The following COL4A3 variants were observed in gnomAD, a reference collection of about 807,000 sequenced individuals.
The protein encoded by COL4A3 is collagen type IV alpha 3 chain.
In COL4A3, 135 loss-of-function variants were observed where a neutral mutation model predicts 217.4. That is an observed-to-expected ratio of 0.62 (90% CI 0.54 to 0.72). The LOEUF is 0.72. Among genes scored for constraint, COL4A3 ranks in the 30% least tolerant of loss-of-function variants. The pLI is 0.00. For synonymous variants in COL4A3, 690 were observed against 736.3 expected, an observed-to-expected ratio of 0.94 and a Z score of 1.02; for missense variants, 1,868 against 2,119.9, an observed-to-expected ratio of 0.88 and a Z score of 2.33.
In COL4A3 at chr2:227,310,809, G is replaced by A; in HGVS notation, c.4789G>A (p.Ala1597Thr). The change falls in exon 51 of 52, where the codon GCA (alanine) becomes ACA (threonine). Residue 1597 changes from alanine (A) to threonine (T), a missense_variant. Ala to Thr is a moderately conservative substitution (Grantham distance 58). Coordinates refer to ENST00000396578, the MANE Select transcript of COL4A3 (RefSeq NM_000091.5). The stretch of plus-strand genomic sequence containing the variant: ...TGCAGGTTCTGAGGGCACCGGGCAA[G>A]CACTGGCCTCCCCTGGCTCCTGCCT... Reference protein sequence around the residue: ...TSAGSEGTGQALASPGSCLEE... With the variant: ...TSAGSEGTGQTLASPGSCLEE... 1 of 1,614,144 alleles carries A rather than the reference G, an allele frequency of 6.2e-7. No homozygotes were observed. Among genetic ancestry groups the A allele is most frequent in the Non-Finnish European group, 8.5e-7 (1 of 1,180,016 alleles).
intron 15 of COL4A3, 141 bp downstream of exon 15, chr2:227,254,856 C>T (rs2070051101): frequency 2.8e-6 from 2 of 712,970 alleles, no homozygotes; most frequent in Admixed American, 4.2e-5. Flanking sequence ...GCAGGATTTA[C>T]TTACTCAAGT....
chr2:227,267,041 C>T lies in COL4A3; in HGVS notation c.1457C>T (p.Pro486Leu), dbSNP rs372903565. The change falls in exon 23 of 52, where the codon CCC becomes CTC. Residue 486 changes from proline (P) to leucine (L), a missense_variant. By Grantham distance (98) the Pro-to-Leu change is moderately conservative (BLOSUM62 -3). This residue lies in a region of COL4A3 where 1,503 missense variants were observed against 1,786.1 expected (regional missense o/e 0.84). Transcript: ENST00000396578. ...CAGTGCCCTTATATCCCAGGGCCTCCCGGTCTCCCAGGATTGCCAGGGTTA... is the reference window on the plus strand; with the variant it reads ...CAGTGCCCTTATATCCCAGGGCCTCTCGGTCTCCCAGGATTGCCAGGGTTA... ...CTQCPYIPGP[P>L]GLPGLPGLHG... 3 of 1,613,894 alleles carry T rather than the reference C, an allele frequency of 1.9e-6. No homozygotes were observed. In the African/African-American group the frequency reaches 4.0e-5, roughly 22 times the overall value.
intron 1 of COL4A3, among the ~76,000 whole-genome samples, chr2:227,181,382 A>G (rs1477057696): frequency 6.6e-6 from 1 of 152,198 alleles, no homozygotes; most frequent in Non-Finnish European, 1.5e-5. Context: ...AAACTCTTGA[A>G]ATATCCTTCA....
At chr2:227,292,565 T>G (rs1477909202) in intron 37 of COL4A3, among the ~76,000 whole-genome samples, 1 of 152,200 alleles carries the variant, frequency 6.6e-6, no homozygotes, top group Non-Finnish European at 1.5e-5. Context: ...CCATAGAAAT[T>G]TTGTAAATCT....
At chr2:227,223,749 C>T (rs555289133) in intron 1 of COL4A3, among the ~76,000 whole-genome samples, 14 of 116,254 alleles carry the variant, frequency 1.2e-4, no homozygotes, top group Admixed American at 2.5e-4. Context: ...AATAAATAAA[C>T]AAATAAATAA....
Position 227,203,767 on chromosome 2 carries a change from G to GTATATATACATATATGTGTGTA in COL4A3, c.88-34190_88-34169dup, listed in dbSNP as rs1220824273. On this transcript the variant is annotated intron_variant, in intron 1 of 51. Transcript: ENST00000396578. ...TATACATATATGTGTGTATATATGT[G>GTATATATACATATATGTGTGTA]TATATATACATATATGTGTGTATAT... Among the ~76,000 whole-genome samples the GTATATATACATATATGTGTGTA allele has an allele frequency of 1.0e-4, 14 of 140,368 alleles. 1 individual carries two copies. The East Asian group carries it at 1.0e-3, about 10-fold the overall frequency. 92.1% of individuals were successfully genotyped at this position (140,368 alleles called of 152,430 possible). A position where few individuals can be genotyped will look rare whatever the true frequency, so the allele number is the denominator to read the frequency against.
chr2:227,246,298 G>A, intron 6 of COL4A3: 1 of 524,018 alleles, frequency 1.9e-6, no homozygotes, highest in Non-Finnish European at 3.4e-6. Flanking sequence ...AAAGCTTTGA[G>A]TGCAGAATTA....
intron 1 of COL4A3, among the ~76,000 whole-genome samples, chr2:227,202,212 C>T (rs1444369322): frequency 2.6e-5 from 4 of 152,112 alleles, no homozygotes; most frequent in Non-Finnish European, 5.9e-5. Context: ...TTCTAGCTTG[C>T]CTGTGGTATG....
chr2:227,172,581 C>CTTTTTTTTTTTTTTTTT (rs11315628), intron 1 of COL4A3, among the ~76,000 whole-genome samples: 1 of 73,596 alleles, frequency 1.4e-5, no homozygotes, highest in African/African-American at 5.7e-5. Flanking sequence ...TCGTCTTCTT[C>CTTTTTTTTTTTTTTTTT]TTTTTTTTTT....
At chr2:227,166,499 A>C (rs553786068) in intron 1 of COL4A3, among the ~76,000 whole-genome samples, 2 of 152,374 alleles carry the variant, frequency 1.3e-5, no homozygotes, top group South Asian at 4.1e-4. Context: ...TGTGAGGATC[A>C]GCCTGAAAAA....
In COL4A3 at chr2:227,280,980, G is replaced by A; in HGVS notation, c.2462G>A (p.Gly821Asp). The change falls in exon 31 of 52, where the codon GGC becomes GAC. Residue 821 changes from glycine (G) to aspartate (D), a missense_variant. Physicochemically the swap from Gly to Asp is moderately conservative, Grantham distance 94 (BLOSUM62 -1). Transcript: ENST00000396578. The stretch of plus-strand genomic sequence containing the variant: ...CCCAGGGGAGCCCAAGGACTTCCAG[G>A]CTTAAATGGATTGAAAGGGCAACAA... ...EGPRGAQGLP[G>D]LNGLKGQQGR... 2 of 1,564,776 alleles carry A rather than the reference G, an allele frequency of 1.3e-6. No individual in the cohort carries two copies. Among genetic ancestry groups the A allele is most frequent in the East Asian group, 2.4e-5 (1 of 41,880 alleles).
rs1466120058 is a variant in COL4A3, at chr2:227,270,967, AC to A, written c.1758+16del. Reference sequence around the variant, plus strand: ...AAGGCGAACTGGTTGGTATTTAGCAACTTTACCCTCCCTATAAATGAAGTAC... The same window carrying A: ...AAGGCGAACTGGTTGGTATTTAGCAATTTACCCTCCCTATAAATGAAGTAC... On this transcript the variant is annotated intron_variant, in intron 25 of 51. Coordinates refer to ENST00000396578, the MANE Select transcript of COL4A3 (RefSeq NM_000091.5). 1.2e-6 allele frequency: 2 copies of A among 1,613,200 alleles called. No individual in the cohort carries two copies. The highest frequency in any genetic ancestry group is 1.7e-6 in the Non-Finnish European group (2 of 1,179,184).
chr2:227,311,735 T>C (rs779025337), intron 51 of COL4A3, 51 bp from the exon 52 acceptor site: 1 of 1,559,826 alleles, frequency 6.4e-7, no homozygotes, highest in Non-Finnish European at 8.8e-7. Context: ...TCAGCAAAAA[T>C]TCCCTTTTAT....
At chr2:227,291,004 G>C (rs1447383138) in intron 37 of COL4A3, 118 bp downstream of exon 37, 1 of 1,208,950 alleles carries the variant, frequency 8.3e-7, no homozygotes, top group African/African-American at 1.5e-5. Context: ...TATACTTTCA[G>C]ACAGTTATTT....
chr2:227,191,531 A>G lies in COL4A3; in HGVS notation c.87+26718A>G, dbSNP rs1000140700. Among the ~76,000 whole-genome samples the G allele has an allele frequency of 2.0e-5, 3 of 152,186 alleles. No individual in the cohort carries two copies. Among genetic ancestry groups the G allele is most frequent in the Non-Finnish European group, 2.9e-5 (2 of 68,034 alleles). ...AGCTCCCCTGTTGGCCATTCCCCGC[A>G]TCAAGGATTCAAAGAACCTGCCAAG... is the stretch of plus-strand genomic sequence containing the variant. On this transcript the variant is annotated intron_variant, in intron 1 of 51. Coordinates refer to ENST00000396578, the MANE Select transcript of COL4A3 (RefSeq NM_000091.5). This position sits in a 1 kb window ranked among gnomAD's most constrained non-coding sequence, Gnocchi z 6.8.
At chr2:227,202,732 C>G (rs1194244327) in intron 1 of COL4A3, among the ~76,000 whole-genome samples, 1 of 33,546 alleles carries the variant, frequency 3.0e-5, no homozygotes, top group Non-Finnish European at 5.7e-5. Flanking sequence ...GAGAATCCGT[C>G]TCTAAAAAAA....
At chr2:227,200,517 G>GT (rs1432388363) in intron 1 of COL4A3, among the ~76,000 whole-genome samples, 2 of 152,116 alleles carry the variant, frequency 1.3e-5, no homozygotes, top group Non-Finnish European at 2.9e-5. Flanking sequence ...GCATATAGAT[G>GT]TAATAGTTGC....
chr2:227,271,527 C>A (rs1011169433), intron 25 of COL4A3, among the ~76,000 whole-genome samples: 8 of 130,316 alleles, frequency 6.1e-5, no homozygotes, highest in African/African-American at 2.4e-4. Context: ...GGCTGGAGTG[C>A]AATGGTGCAA....
chr2:227,239,456 T>C (rs986251003), intron 2 of COL4A3, among the ~76,000 whole-genome samples: 1 of 152,184 alleles, frequency 6.6e-6, no homozygotes, highest in African/African-American at 2.4e-5. Context: ...ACAAACGTAA[T>C]TCCAAGATAC....
Sources: gnomAD v4.1 joint callset for allele counts (sites outside exome capture counted in the v4.1 genomes callset) on GRCh38, gnomAD v4.1.1 for gene constraint, gnomAD v4.1.1 regional missense constraint, Gnocchi (gnomAD v3.1) non-coding constraint, MANE v1.5 for transcripts, NCBI Gene and HGNC (gene_info 2026-07-23, HGNC 2026-07-21) for gene names.